PLXDC2: variants seen among roughly 807,000 people sequenced by gnomAD.
PLXDC2 encodes the protein plexin domain-containing protein 2.
Under a neutral mutation model 68.9 loss-of-function variants are expected in PLXDC2, and 40 were observed. That is an observed-to-expected ratio of 0.58 (90% CI 0.45 to 0.76). The LOEUF (loss-of-function observed/expected upper bound fraction) is 0.76, where lower values mean the gene tolerates loss of function less well. Among genes scored for constraint, PLXDC2 ranks in the 30% least tolerant of loss-of-function variants. The probability of loss-of-function intolerance (pLI) is 0.00; values close to 1 mark genes in which losing one functional copy is unlikely to be tolerated. For missense variants in PLXDC2, 644 were observed against 661.9 expected, an observed-to-expected ratio of 0.97 and a Z score of 0.30; for synonymous variants, 243 against 234.2, an observed-to-expected ratio of 1.04 and a Z score of -0.34.
chr10:20,285,581 A>T lies in PLXDC2; in HGVS notation c.*5762A>T, dbSNP rs1458560472. The T allele has an allele frequency of 6.6e-6, 1 of 152,188 alleles. No individual in the cohort carries two copies. Among genetic ancestry groups the T allele is most frequent in the Non-Finnish European group, 1.5e-5 (1 of 68,034 alleles). The allele number at this position is 152,188 out of a possible 1,614,324, so 9.4% of individuals were successfully genotyped here. A position where few individuals can be genotyped will look rare whatever the true frequency, so the allele number is the denominator to read the frequency against. On this transcript the variant is annotated 3_prime_UTR_variant, in exon 14 of 14. Transcript: ENST00000377252. ...TCTGTGCTGTAGACCTGTTAATTTT[A>T]TCTGTGAGAAAAAAAGTTACTCAAA...
intron 1 of PLXDC2, among the ~76,000 whole-genome samples, chr10:19,904,168 G>A (rs1459648663): frequency 6.6e-6 from 1 of 152,118 alleles, no homozygotes; most frequent in African/African-American, 2.4e-5. Context: ...CAGTTGTCGG[G>A]TAGAATGTTC....
In PLXDC2 at chr10:19,927,713, C is replaced by CAAAAAAAAAAAAAAAA. The variant is rs35250324; in HGVS notation, c.113-74052_113-74037dup. 1.2e-3 allele frequency among the ~76,000 whole-genome samples: 64 copies of CAAAAAAAAAAAAAAAA among 53,162 alleles called. 1 individual carries two copies. Among genetic ancestry groups the CAAAAAAAAAAAAAAAA allele is most frequent in the Admixed American group, 3.1e-3 (9 of 2,912 alleles). 34.9% of individuals were successfully genotyped at this position (53,162 alleles called of 152,430 possible). The stretch of plus-strand genomic sequence containing the variant: ...GAGACTCCATCTCAAGGAAAAAAAG[C>CAAAAAAAAAAAAAAAA]AAAAAAAAAAAAAAAAAAAAAAAAA... On this transcript the variant is annotated intron_variant, in intron 1 of 13. Coordinates refer to ENST00000377252, the MANE Select transcript of PLXDC2 (RefSeq NM_032812.9).
At chr10:19,842,323 T>G (rs540467138) in intron 1 of PLXDC2, among the ~76,000 whole-genome samples, 3 of 152,296 alleles carry the variant, frequency 2.0e-5, no homozygotes, top group African/African-American at 7.2e-5. Flanking sequence ...CTTCACTGAA[T>G]GGAGATATGA....
intron 10 of PLXDC2, among the ~76,000 whole-genome samples, 181 bp from the exon 11 acceptor site, chr10:20,217,245 T>C (rs187333412): frequency 2.7e-4 from 41 of 152,330 alleles, no homozygotes; most frequent in Admixed American, 2.4e-3. Flanking sequence ...TCTTTTTCTC[T>C]TTCCTATTTT....
intron 1 of PLXDC2, among the ~76,000 whole-genome samples, chr10:19,946,877 T>TA (rs1833910479): frequency 6.6e-6 from 1 of 151,924 alleles, no homozygotes. Context: ...GCTCAGGCGG[T>TA]AATACGAGTG....
At chr10:20,045,575 A>T (rs528721690) in intron 2 of PLXDC2, among the ~76,000 whole-genome samples, 1 of 152,266 alleles carries the variant, frequency 6.6e-6, no homozygotes, top group East Asian at 1.9e-4. Context: ...TCTATTTAGA[A>T]TACTGCATAG....
chr10:20,081,827 T>G (rs1255246717), intron 4 of PLXDC2, among the ~76,000 whole-genome samples: 1 of 150,808 alleles, frequency 6.6e-6, no homozygotes, highest in East Asian at 2.0e-4. Context: ...GATCACAAGC[T>G]CAAGAGATTG....
intron 6 of PLXDC2, among the ~76,000 whole-genome samples, chr10:20,148,121 T>A (rs1834103233): frequency 6.6e-6 from 1 of 152,202 alleles, no homozygotes; most frequent in Non-Finnish European, 1.5e-5. Context: ...GCATCAGGAC[T>A]CATCAATTTC....
intron 13 of PLXDC2, among the ~76,000 whole-genome samples, chr10:20,264,519 T>C (rs1835847104): frequency 6.6e-6 from 1 of 151,858 alleles, no homozygotes; most frequent in African/African-American, 2.4e-5. Context: ...TAAAACTAGC[T>C]AAAAAGCATA....
intron 13 of PLXDC2, among the ~76,000 whole-genome samples, chr10:20,256,786 C>T (rs575957393): frequency 4.0e-5 from 6 of 151,726 alleles, no homozygotes; most frequent in African/African-American, 7.3e-5. Context: ...GAAAATTTGA[C>T]GTAGCATGAG....
At chr10:20,259,337 G>C (rs989331957) in intron 13 of PLXDC2, among the ~76,000 whole-genome samples, 2 of 152,142 alleles carry the variant, frequency 1.3e-5, no homozygotes, top group African/African-American at 2.4e-5. Context: ...AATGCAAAAA[G>C]AGTCCTTGTC....
chr10:20,047,053 G>A (rs755377078), intron 3 of PLXDC2, 38 bp downstream of exon 3: 2 of 1,525,818 alleles, frequency 1.3e-6, no homozygotes, highest in Non-Finnish European at 1.8e-6. Context: ...TTTACCTACT[G>A]TGAAAAAATA....
intron 9 of PLXDC2, among the ~76,000 whole-genome samples, chr10:20,208,387 T>G (rs1333273968): frequency 6.6e-6 from 1 of 152,094 alleles, no homozygotes; most frequent in African/African-American, 2.4e-5. Flanking sequence ...CTTGTGAGAC[T>G]TATTTACTAC....
chr10:20,053,791 G>A (rs1020185092), intron 3 of PLXDC2, among the ~76,000 whole-genome samples: 6 of 151,992 alleles, frequency 3.9e-5, no homozygotes, highest in Admixed American at 3.9e-4. Context: ...ACTTATTTTG[G>A]TGGATTCTGG....
chr10:19,952,027 A>G (rs1254650789), intron 1 of PLXDC2, among the ~76,000 whole-genome samples: 1 of 152,156 alleles, frequency 6.6e-6, no homozygotes, highest in African/African-American at 2.4e-5. Context: ...GCCAGAGGTG[A>G]CAAACTACTG....
At chr10:19,851,570 G>C (rs546666340) in intron 1 of PLXDC2, among the ~76,000 whole-genome samples, 1 of 152,228 alleles carries the variant, frequency 6.6e-6, no homozygotes, top group South Asian at 2.1e-4. Flanking sequence ...TTTTGAGACA[G>C]AGTCTCGCTC....
At chr10:19,886,821 A>C (rs1483721073) in intron 1 of PLXDC2, among the ~76,000 whole-genome samples, 1 of 152,226 alleles carries the variant, frequency 6.6e-6, no homozygotes, top group East Asian at 1.9e-4. Flanking sequence ...AATTCTGAAA[A>C]GAAAAAACTT....
rs1175526348 is a variant in PLXDC2 at position 20,238,662 on chromosome 10, A to AAAAATATATATATATGTATAT, written c.1313-6682_1313-6681insAAATATATATATATGTATATA. Among the ~76,000 whole-genome samples, 61 of 31,674 alleles carry AAAAATATATATATATGTATAT rather than the reference A, an allele frequency of 1.9e-3. 1 individual carries two copies. The highest frequency in any genetic ancestry group is 6.2e-3 in the African/African-American group (59 of 9,574). 20.8% of individuals were successfully genotyped at this position (31,674 alleles called of 152,430 possible). ...CAGAGAAAGACTCCATCTCAAAAAA[A>AAAAATATATATATATGTATAT]ATATATATATATATGTATATATATA... On this transcript the variant is annotated intron_variant, in intron 12 of 13. Coordinates refer to ENST00000377252, the MANE Select transcript of PLXDC2 (RefSeq NM_032812.9).
intron 10 of PLXDC2, among the ~76,000 whole-genome samples, chr10:20,213,708 T>A (rs1835099765): frequency 6.6e-6 from 1 of 152,106 alleles, no homozygotes; most frequent in African/African-American, 2.4e-5. Context: ...CATGTTATGA[T>A]CTTTAAAGTT....
Sources: allele counts gnomAD v4.1 joint callset (sites outside exome capture counted in the v4.1 genomes callset), GRCh38; gene constraint gnomAD v4.1.1; transcripts MANE v1.5; gene names NCBI Gene and HGNC (gene_info 2026-07-23, HGNC 2026-07-21).